CALN1: variants seen among roughly 807,000 people sequenced by gnomAD.
CALN1 encodes calneuron 1, also known as calcium-binding protein 8.
CALN1 carries 17 observed loss-of-function variants against 30.6 expected under a neutral mutation model. The observed-to-expected ratio is 0.56, with a 90% CI of 0.38 to 0.83. The LOEUF is 0.83. Among genes scored for constraint, CALN1 ranks in the 40% least tolerant of loss-of-function variants. The probability of loss-of-function intolerance (pLI) is 0.00; values close to 1 mark genes in which losing one functional copy is unlikely to be tolerated. For missense variants in CALN1, 291 were observed against 354.9 expected, an observed-to-expected ratio of 0.82 and a Z score of 1.45; for synonymous variants, 156 against 131.4, an observed-to-expected ratio of 1.19 and a Z score of -1.28.
At chr7:72,099,717 T>G (rs1158476036) in intron 4 of CALN1, among the ~76,000 whole-genome samples, 1 of 152,174 alleles carries the variant, frequency 6.6e-6, no homozygotes, top group African/African-American at 2.4e-5. Flanking sequence ...TTTCATGGAT[T>G]TTGTACTAAA....
chr7:71,853,871 C>T (rs1258268581), intron 5 of CALN1, among the ~76,000 whole-genome samples: 3 of 152,128 alleles, frequency 2.0e-5, no homozygotes, highest in Non-Finnish European at 4.4e-5. Flanking sequence ...TGAGCAACTG[C>T]GCCCAGCCTG....
chr7:72,221,476 C>T (rs1027327211), intron 3 of CALN1, among the ~76,000 whole-genome samples: 1 of 151,904 alleles, frequency 6.6e-6, no homozygotes, highest in African/African-American at 2.4e-5. Flanking sequence ...CGCCATCGTG[C>T]CTGGCTAATT....
chr7:72,397,025 C>A (rs544001349), intron 2 of CALN1, among the ~76,000 whole-genome samples: 5 of 152,046 alleles, frequency 3.3e-5, no homozygotes, highest in Non-Finnish European at 5.9e-5. Flanking sequence ...ATCCTCCCCC[C>A]TCAGCCTCCA....
chr7:71,902,068 C>A (rs1296921865), intron 5 of CALN1, among the ~76,000 whole-genome samples: 1 of 152,032 alleles, frequency 6.6e-6, no homozygotes, highest in Non-Finnish European at 1.5e-5. Flanking sequence ...TCAAACAATT[C>A]AACAAGAAGA....
At chr7:71,970,156 C>G (rs1329882287) in intron 5 of CALN1, among the ~76,000 whole-genome samples, 1 of 152,116 alleles carries the variant, frequency 6.6e-6, no homozygotes, top group Non-Finnish European at 1.5e-5. Context: ...GCCCAGCAAC[C>G]CATTCCTAAT....
chr7:72,439,307 C>T (rs576023287), intron 1 of CALN1, among the ~76,000 whole-genome samples: 2 of 152,328 alleles, frequency 1.3e-5, no homozygotes, highest in African/African-American at 2.4e-5. Flanking sequence ...CTTGGGATTA[C>T]AGGCATGAGC....
intron 3 of CALN1, among the ~76,000 whole-genome samples, chr7:72,172,077 C>A (rs994427192): frequency 6.6e-6 from 1 of 152,168 alleles, no homozygotes; most frequent in Non-Finnish European, 1.5e-5. Flanking sequence ...CACAAACAGG[C>A]TCATCAACAA....
intron 3 of CALN1, among the ~76,000 whole-genome samples, chr7:72,174,995 T>G (rs1437480661): frequency 6.6e-6 from 1 of 151,460 alleles, no homozygotes; most frequent in Non-Finnish European, 1.5e-5. Flanking sequence ...GTATTATAGG[T>G]ATATACTTAG....
At chr7:72,299,624 T>C (rs991302680) in intron 2 of CALN1, among the ~76,000 whole-genome samples, 2 of 150,440 alleles carry the variant, frequency 1.3e-5, no homozygotes, top group East Asian at 3.9e-4. Flanking sequence ...TAATAAAGTA[T>C]GCAAAAACAA....
chr7:72,151,939 C>T (rs1434102247), intron 3 of CALN1, among the ~76,000 whole-genome samples: 6 of 142,862 alleles, frequency 4.2e-5, no homozygotes, highest in South Asian at 4.5e-4. Flanking sequence ...GACAGAATCT[C>T]GCTCTGTCGC....
At chr7:71,892,887 CA>C (rs2116891949) in intron 5 of CALN1, among the ~76,000 whole-genome samples, 1 of 152,104 alleles carries the variant, frequency 6.6e-6, no homozygotes, top group East Asian at 1.9e-4. Flanking sequence ...AGAACCACGT[CA>C]TTTTTTTTTT....
chr7:72,079,471 C>T (rs142843958), intron 4 of CALN1, among the ~76,000 whole-genome samples: 4 of 152,228 alleles, frequency 2.6e-5, no homozygotes, highest in Middle Eastern at 3.4e-3. Context: ...ACGTAGCTCA[C>T]GGCCACACAG....
intron 5 of CALN1, among the ~76,000 whole-genome samples, chr7:71,981,301 G>C (rs1004856930): frequency 6.6e-6 from 1 of 151,934 alleles, no homozygotes; most frequent in Non-Finnish European, 1.5e-5. Context: ...TCTGATTGTG[G>C]GTCTTAAGAC....
At chr7:72,297,012 T>C (rs1388772059) in intron 2 of CALN1, among the ~76,000 whole-genome samples, 4 of 152,138 alleles carry the variant, frequency 2.6e-5, no homozygotes, top group African/African-American at 7.2e-5. Context: ...CTTTTAATTG[T>C]GATGTTAGGG....
At position 72,115,829 on chromosome 7, in the gene CALN1, C is replaced by A. The variant is rs192809149; in HGVS notation, c.245-9535G>T. On this transcript the variant is annotated intron_variant, in intron 3 of 6. Transcript: ENST00000395275. ...TTCCATCCCCCACCTTCTCTCCCCTCCTTCCTTACCTCTGGTAACCAGCAA... is the reference window on the plus strand; with the variant it reads ...TTCCATCCCCCACCTTCTCTCCCCTACTTCCTTACCTCTGGTAACCAGCAA... 1.8e-3 allele frequency among the ~76,000 whole-genome samples: 267 copies of A among 152,134 alleles called. 3 individuals are homozygous for A. In the Middle Eastern group the frequency reaches 0.024, roughly 14 times the overall value.
intron 3 of CALN1, among the ~76,000 whole-genome samples, chr7:72,242,675 G>A (rs1287215821): frequency 6.6e-6 from 1 of 152,110 alleles, no homozygotes; most frequent in African/African-American, 2.4e-5. Flanking sequence ...ATCACTTGAG[G>A]TCAGGAGTTT....
At chr7:72,110,817 G>A (rs1807517675) in intron 3 of CALN1, among the ~76,000 whole-genome samples, 1 of 152,156 alleles carries the variant, frequency 6.6e-6, no homozygotes, top group South Asian at 2.1e-4. Context: ...GGAAAGACAT[G>A]TGATGTGTGC....
At chr7:71,798,175 G>GAGAGA in intron 6 of CALN1, among the ~76,000 whole-genome samples, 3 of 131,908 alleles carry the variant, frequency 2.3e-5, no homozygotes, top group Admixed American at 7.9e-5. Flanking sequence ...GAGAGAGAGA[G>GAGAGA]ATGTTGCTTG....
rs1428661429 is a variant in CALN1 at position 72,261,000 on chromosome 7, T to A, written c.244+17686A>T. Among the ~76,000 whole-genome samples, 11 of 152,220 alleles carry A rather than the reference T, an allele frequency of 7.2e-5. No homozygotes were observed. The East Asian group carries it at 2.1e-3, about 29-fold the overall frequency. ...TAACAGCAGCAAAGCACACACCAAC[T>A]GGCACCAGCTTAAAAACTATCAGTA... On this transcript the variant is annotated intron_variant, in intron 3 of 6. Transcript: ENST00000395275.
Sources: allele counts gnomAD v4.1 joint callset (sites outside exome capture counted in the v4.1 genomes callset), GRCh38; gene constraint gnomAD v4.1.1; transcripts MANE v1.5; gene names NCBI Gene and HGNC (gene_info 2026-07-23, HGNC 2026-07-21).